The following WIPF3 variants were observed in gnomAD, a reference collection of about 807,000 sequenced individuals.
WIPF3 encodes the protein WAS/WASL-interacting protein family member 3.
WIPF3 carries 33 observed loss-of-function variants against 38.9 expected under a neutral mutation model. The ratio of observed to expected loss-of-function variants is 0.85; its 90% CI spans 0.64 to 1.14. The LOEUF is 1.14. Ranked by LOEUF, WIPF3 falls within the 50% of genes most tolerant of loss-of-function variation. The probability of loss-of-function intolerance (pLI) is 0.00; values close to 1 mark genes in which losing one functional copy is unlikely to be tolerated. For synonymous variants in WIPF3, 324 were observed against 269.3 expected (o/e 1.20, Z -1.99); for missense variants, 711 against 652.5 (o/e 1.09, Z -0.98).
chr7:29,895,686 T>C (rs1786127934), intron 7 of WIPF3, among the ~76,000 whole-genome samples: 1 of 152,198 alleles, frequency 6.6e-6, no homozygotes, highest in African/African-American at 2.4e-5. Flanking sequence ...CCAGTCATGG[T>C]GGAAGGCGAA....
At chr7:29,887,059 T>C (rs1785898076) in intron 5 of WIPF3, among the ~76,000 whole-genome samples, 1 of 152,146 alleles carries the variant, frequency 6.6e-6, no homozygotes, top group African/African-American at 2.4e-5. Context: ...TGAAGGGACA[T>C]GAGACACGAG....
intron 1 of WIPF3, among the ~76,000 whole-genome samples, chr7:29,820,410 GAT>G (rs1352902923): frequency 1.3e-5 from 2 of 152,062 alleles, no homozygotes; most frequent in Non-Finnish European, 2.9e-5. Flanking sequence ...TGATATGGCA[GAT>G]ATGTTTGTTA....
chr7:29,817,855 TC>T (rs1198394546), intron 1 of WIPF3, among the ~76,000 whole-genome samples: 1 of 152,216 alleles, frequency 6.6e-6, no homozygotes, highest in East Asian at 1.9e-4. Context: ...TTCATTATGA[TC>T]ACCTTAAATT....
chr7:29,895,310 C>T (rs891330133), intron 7 of WIPF3, among the ~76,000 whole-genome samples: 3 of 152,106 alleles, frequency 2.0e-5, no homozygotes, highest in African/African-American at 7.2e-5. Context: ...CATTATGACC[C>T]ATCAATTCCA....
At chr7:29,849,011 G>T (rs1785047904) in intron 2 of WIPF3, among the ~76,000 whole-genome samples, 1 of 152,026 alleles carries the variant, frequency 6.6e-6, no homozygotes, top group African/African-American at 2.4e-5. Flanking sequence ...CACTAATTCA[G>T]GTGGGCATTT....
intron 2 of WIPF3, among the ~76,000 whole-genome samples, chr7:29,848,512 C>A (rs1785039547): frequency 6.6e-6 from 1 of 152,158 alleles, no homozygotes; most frequent in Non-Finnish European, 1.5e-5. Flanking sequence ...GGCCTTGTGG[C>A]AGCTTTGGGA....
chr7:29,872,531 C>G (rs1394281101), intron 2 of WIPF3, among the ~76,000 whole-genome samples: 1 of 152,110 alleles, frequency 6.6e-6, no homozygotes, highest in Non-Finnish European at 1.5e-5. Flanking sequence ...CAGTGGCTTA[C>G]GCCTGTAATC....
At chr7:29,876,560 T>C (rs1307806482) in intron 3 of WIPF3, among the ~76,000 whole-genome samples, 1 of 152,246 alleles carries the variant, frequency 6.6e-6, no homozygotes, top group African/African-American at 2.4e-5. Flanking sequence ...GTATCAGTAC[T>C]TCACTCCTTT....
At chr7:29,827,946 C>T (rs1244456720) in intron 1 of WIPF3, among the ~76,000 whole-genome samples, 151 of 152,096 alleles carry the variant, frequency 9.9e-4, no homozygotes, top group Non-Finnish European at 4.4e-5. Flanking sequence ...CAGGTGTGCA[C>T]CACCACACTT....
chr7:29,858,362 C>G (rs1785221618), intron 2 of WIPF3, among the ~76,000 whole-genome samples: 1 of 152,162 alleles, frequency 6.6e-6, no homozygotes, highest in South Asian at 2.1e-4. Context: ...GAGGCAGAGA[C>G]CCATCAGCAC....
chr7:29,897,829 C>T (rs1562789770), intron 7 of WIPF3, among the ~76,000 whole-genome samples: 1 of 152,218 alleles, frequency 6.6e-6, no homozygotes, highest in Admixed American at 6.5e-5. Context: ...CTGGTTTTTA[C>T]TGCTGACCAT....
intron 1 of WIPF3, 101 bp from the exon 2 acceptor site, chr7:29,834,567 A>G: frequency 9.2e-7 from 1 of 1,087,594 alleles, no homozygotes; most frequent in East Asian, 3.6e-5. Context: ...GAACAGGTGA[A>G]AGAATCAAGC....
intron 7 of WIPF3, among the ~76,000 whole-genome samples, chr7:29,900,158 A>C (rs1786244751): frequency 6.7e-6 from 1 of 148,556 alleles, no homozygotes; most frequent in African/African-American, 2.5e-5. Context: ...GGCTGTTCTC[A>C]ACTCCTGGCC....
chr7:29,840,405 C>T (rs1201232226), intron 2 of WIPF3, among the ~76,000 whole-genome samples: 2 of 152,174 alleles, frequency 1.3e-5, no homozygotes, highest in Non-Finnish European at 2.9e-5. Flanking sequence ...GCTTTTATAT[C>T]TTTTATATCT....
intron 6 of WIPF3, 89 bp from the exon 7 acceptor site, chr7:29,889,217 G>A (rs1785955520): frequency 9.3e-7 from 1 of 1,071,742 alleles, no homozygotes; most frequent in South Asian, 1.4e-5. Flanking sequence ...GGTGGATGCA[G>A]TCAGAGTAAT....
intron 1 of WIPF3, among the ~76,000 whole-genome samples, chr7:29,812,887 G>A (rs1784401317): frequency 6.6e-6 from 1 of 152,200 alleles, no homozygotes; most frequent in South Asian, 2.1e-4. Context: ...TGGAATTAGT[G>A]TTAGAGAATG....
chr7:29,865,228 T>C (rs535161659), intron 2 of WIPF3, among the ~76,000 whole-genome samples: 1 of 152,170 alleles, frequency 6.6e-6, no homozygotes, highest in Non-Finnish European at 1.5e-5. Context: ...GAGCCCTCAT[T>C]TTTAACTGCA....
At chr7:29,873,997 T>C (rs1241089511) in intron 2 of WIPF3, among the ~76,000 whole-genome samples, 1 of 152,150 alleles carries the variant, frequency 6.6e-6, no homozygotes, top group African/African-American at 2.4e-5. Context: ...ACTCCAGGGA[T>C]CCTCTAAGGT....
At chr7:29,887,245 A>G (rs1441834305) in intron 5 of WIPF3, among the ~76,000 whole-genome samples, 3 of 152,218 alleles carry the variant, frequency 2.0e-5, no homozygotes, top group Non-Finnish European at 2.9e-5. Context: ...TTAGCCCAAC[A>G]TGGGGGGAAA....
Sources: allele counts gnomAD v4.1 joint callset (sites outside exome capture counted in the v4.1 genomes callset), GRCh38; gene constraint gnomAD v4.1.1; transcripts MANE v1.5; gene names NCBI Gene and HGNC (gene_info 2026-07-23, HGNC 2026-07-21).